PECR: variants seen among roughly 807,000 people sequenced by gnomAD.
PECR encodes the protein peroxisomal trans-2-enoyl-CoA reductase.
PECR carries 30 observed loss-of-function variants against 35.3 expected under a neutral mutation model. That is an observed-to-expected ratio of 0.85 (90% confidence interval 0.64 to 1.15). The LOEUF (loss-of-function observed/expected upper bound fraction) is 1.15, where lower values mean the gene tolerates loss of function less well. Among genes scored for constraint, PECR ranks in the 50% most tolerant of loss-of-function variants. The pLI is 0.00. For missense variants in PECR, 392 were observed against 370.8 expected (o/e 1.06, Z -0.47); for synonymous variants, 148 against 138.9 (o/e 1.07, Z -0.46).
Position 216,051,281 on chromosome 2 carries a change from C to CA in PECR, c.603+167dup, listed in dbSNP as rs147574036. On this transcript the variant is annotated intron_variant, in intron 5 of 7. Transcript: ENST00000265322. ...GGCCTGGGCGACAGAGACTCCATCTCAAAAAAAAAAAAAAAAAAAAAAGAA... is the reference window on the plus strand; with the variant it reads ...GGCCTGGGCGACAGAGACTCCATCTCAAAAAAAAAAAAAAAAAAAAAAAGAA... Among the ~76,000 whole-genome samples the CA allele has an allele frequency of 2.5e-3, 235 of 93,060 alleles. 2 individuals carry two copies. Among genetic ancestry groups the CA allele is most frequent in the Middle Eastern group, 5.7e-3 (1 of 176 alleles). 61.1% of individuals were successfully genotyped at this position (93,060 alleles called of 152,430 possible). A position where few individuals can be genotyped will look rare whatever the true frequency, so the allele number is the denominator to read the frequency against.
chr2:216,076,742 G>C (rs959251992), intron 1 of PECR, among the ~76,000 whole-genome samples: 4 of 151,992 alleles, frequency 2.6e-5, no homozygotes, highest in African/African-American at 9.7e-5. Flanking sequence ...AGAGGTTGCA[G>C]TGAGCTGCTG....
intron 4 of PECR, among the ~76,000 whole-genome samples, chr2:216,054,072 G>A (rs1235626150): frequency 2.0e-5 from 3 of 151,962 alleles, no homozygotes; most frequent in South Asian, 2.1e-4. Flanking sequence ...ATCACATGAG[G>A]TCAGGAGTTC....
chr2:216,042,283 C>T (rs1448030399), intron 7 of PECR, among the ~76,000 whole-genome samples: 1 of 152,142 alleles, frequency 6.6e-6, no homozygotes, highest in African/African-American at 2.4e-5. Flanking sequence ...AGAAGTCTTC[C>T]GTGCTAATGG....
At chr2:216,042,975 A>G (rs1425174984) in intron 7 of PECR, among the ~76,000 whole-genome samples, 1 of 66,774 alleles carries the variant, frequency 1.5e-5, no homozygotes, top group African/African-American at 6.8e-5. Flanking sequence ...ACATACGTAT[A>G]TGTGTATATA....
chr2:216,056,251 A>T (rs1265547512), intron 4 of PECR, among the ~76,000 whole-genome samples: 3 of 152,016 alleles, frequency 2.0e-5, no homozygotes, highest in Middle Eastern at 3.2e-3. Context: ...GCTAAAATTT[A>T]AAAAAAAGGA....
downstream of PECR, among the ~76,000 whole-genome samples, chr2:216,037,208 TAC>T (rs967362010): frequency 6.6e-6 from 1 of 152,236 alleles, no homozygotes; most frequent in African/African-American, 2.4e-5. Context: ...TATTATGATG[TAC>T]ATAAGAGTCC....
downstream of PECR, among the ~76,000 whole-genome samples, chr2:216,036,444 G>C (rs1323577810): frequency 6.6e-6 from 1 of 152,240 alleles, no homozygotes; most frequent in African/African-American, 2.4e-5. Flanking sequence ...TAAGGTCCCA[G>C]TGAGCTACAA....
chr2:216,065,269 C>G (rs1559215941), intron 3 of PECR, 43 bp downstream of exon 3: 1 of 1,388,872 alleles, frequency 7.2e-7, no homozygotes. Flanking sequence ...CCTGAGATCT[C>G]TAAATAAAGA....
rs549938969 is a variant in PECR, at chr2:216,070,308, A to G, written c.125-3790T>C. Among the ~76,000 whole-genome samples the G allele has an allele frequency of 1.1e-4, 17 of 152,342 alleles. No homozygotes were observed. The East Asian group carries it at 3.3e-3, about 29-fold the overall frequency. ...TTATCATTTCTTTGAGCTAAGAACC[A>G]CTTTGAGCTAAATCCACTATTCTCG... On this transcript the variant is annotated intron_variant, in intron 1 of 7. Transcript: ENST00000265322.
At chr2:216,075,436 A>G (rs1695679364) in intron 1 of PECR, among the ~76,000 whole-genome samples, 1 of 152,216 alleles carries the variant, frequency 6.6e-6, no homozygotes, top group Non-Finnish European at 1.5e-5. Context: ...GGAATTTAGA[A>G]AAAGGGCAGA....
intron 3 of PECR, among the ~76,000 whole-genome samples, chr2:216,063,713 CT>C (rs1262713389): frequency 6.6e-6 from 1 of 151,062 alleles, no homozygotes; most frequent in Non-Finnish European, 1.5e-5. Flanking sequence ...ATTTGTTTTA[CT>C]TTTTTTTTAT....
At chr2:216,047,929 G>GT (rs902955095) in intron 6 of PECR, among the ~76,000 whole-genome samples, 2 of 147,816 alleles carry the variant, frequency 1.4e-5, no homozygotes, top group African/African-American at 2.5e-5. Context: ...GTTTTGTTTT[G>GT]TTTTTTTCAT....
chr2:216,065,667 C>A (rs564856805), intron 2 of PECR, among the ~76,000 whole-genome samples, 190 bp from the exon 3 acceptor site: 2 of 152,286 alleles, frequency 1.3e-5, no homozygotes, highest in African/African-American at 4.8e-5. Flanking sequence ...TGTACCAGCA[C>A]CCAATACCCA....
chr2:216,043,102 C>T (rs147705460), intron 7 of PECR, among the ~76,000 whole-genome samples: 9,492 of 117,134 alleles, frequency 0.081, 532 homozygotes, highest in Non-Finnish European at 0.11. Flanking sequence ...TATATGTATG[C>T]GTATATATAT....
intron 5 of PECR, among the ~76,000 whole-genome samples, chr2:216,049,791 C>T (rs1170692192): frequency 2.0e-5 from 3 of 152,184 alleles, no homozygotes; most frequent in Admixed American, 6.5e-5. Flanking sequence ...GCAATATTTT[C>T]TTGGCTTTTT....
chr2:216,081,680 G>T lies in PECR; in HGVS notation c.62C>A (p.Ala21Asp). 6.2e-7 allele frequency: 1 copy of T among 1,613,726 alleles called. No homozygotes were observed. Among genetic ancestry groups the T allele is most frequent in the Non-Finnish European group, 8.5e-7 (1 of 1,179,958 alleles). The change falls in exon 1 of 8, where the codon GCC becomes GAC. Residue 21 changes from alanine (A) to aspartate (D), a missense_variant. Transcript: ENST00000265322. ...GCCCGTGGCCCCGCCGGTGACGATG[G>T]CCACTTGGCCCTGCAGCAAACCAGG... The part of the protein sequence containing the change: ...LAPGLLQGQV[A>D]IVTGGATGIG...
rs1207129497 is a variant in PECR, at chr2:216,039,396, A to C, written c.827-36T>G. The C allele has an allele frequency of 4.2e-6, 5 of 1,196,612 alleles. No homozygotes were observed. The South Asian group carries it at 4.8e-5, about 12-fold the overall frequency. The allele number at this position is 1,196,612 out of a possible 1,614,324, so 74.1% of individuals were successfully genotyped here. A position where few individuals can be genotyped will look rare whatever the true frequency, so the allele number is the denominator to read the frequency against. On this transcript the variant is annotated intron_variant, in intron 7 of 7. Transcript: ENST00000265322. Reference sequence around the variant, plus strand: ...AGTGGAAAGCCTCCTGTCACTTGCAAATCTCATTTGCCCTCTTCACTCCCA... The same window carrying C: ...AGTGGAAAGCCTCCTGTCACTTGCACATCTCATTTGCCCTCTTCACTCCCA...
rs183828774 is a variant in PECR at position 216,043,025 on chromosome 2, G to A, written c.826+879C>T. Among the ~76,000 whole-genome samples the A allele has an allele frequency of 8.6e-3, 1,088 of 127,202 alleles. 48 individuals are homozygous for A. Among genetic ancestry groups the A allele is most frequent in the African/African-American group, 0.025 (807 of 32,188 alleles). 83.4% of individuals were successfully genotyped at this position (127,202 alleles called of 152,430 possible). On this transcript the variant is annotated intron_variant, in intron 7 of 7. Coordinates refer to ENST00000265322, the MANE Select transcript of PECR (RefSeq NM_018441.6). Reference sequence around the variant, plus strand: ...TATGTGTATATATATATACACATACGTATATATGTATGTGTATATATATAT... The same window carrying A: ...TATGTGTATATATATATACACATACATATATATGTATGTGTATATATATAT...
chr2:216,030,936 TCTCTCTCTCTCTCTCTCTCTCACA>T, intron 7 of PECR, among the ~76,000 whole-genome samples: 1 of 40,518 alleles, frequency 2.5e-5, no homozygotes, highest in African/African-American at 6.7e-5. Context: ...ATTCTCTCTC[TCTCTCTCTCTCTCTCTCTCTCACA>T]CACACACACA....
Sources: gnomAD v4.1 joint callset for allele counts (sites outside exome capture counted in the v4.1 genomes callset) on GRCh38, gnomAD v4.1.1 for gene constraint, MANE v1.5 for transcripts, NCBI Gene and HGNC (gene_info 2026-07-23, HGNC 2026-07-21) for gene names.